Variants in RBX1 observed in about 807,000 individuals in gnomAD.
RBX1 encodes the protein E3 ubiquitin-protein ligase RBX1.
For missense variants in RBX1, 46 were observed against 141.4 expected (o/e 0.33, Z 3.42); for synonymous variants, 48 against 47.9 (o/e 1.00, Z -0.01).
rs543541999 is a variant in RBX1, at chr22:40,954,402, A to G, written c.157+769A>G. ...AAAGGAAATCATTGCCAACATCTAA[A>G]TAAATAATTAATTGCACTAAAGAAA... On this transcript the variant is annotated intron_variant, in intron 2 of 4. Transcript: ENST00000216225. Among the ~76,000 whole-genome samples the G allele has an allele frequency of 7.9e-5, 12 of 152,360 alleles. No homozygotes were observed. In the South Asian group the frequency reaches 2.5e-3, roughly 32 times the overall value.
At chr22:40,956,330 T>C (rs1449077098) in intron 2 of RBX1, among the ~76,000 whole-genome samples, 1 of 151,878 alleles carries the variant, frequency 6.6e-6, no homozygotes. Context: ...ATCCAATGAA[T>C]ATATCCTGAG....
Position 40,967,795 on chromosome 22 carries a change from T to G in RBX1, c.229-4T>G. On this transcript the variant is annotated splice_region_variant and splice_polypyrimidine_tract_variant and intron_variant, in intron 3 of 4. Transcript: ENST00000216225. ...TTTTTAATAAAATATATGTTTTCTT[T>G]CAGCATGCTTTTCACTTCCACTGCA... 6.2e-7 allele frequency: 1 copy of G among 1,612,766 alleles called. No individual in the cohort carries two copies. Among genetic ancestry groups the G allele is most frequent in the Non-Finnish European group, 8.5e-7 (1 of 1,178,868 alleles).
intron 3 of RBX1, chr22:40,967,096 G>A (rs902554094): frequency 5.3e-5 from 8 of 152,104 alleles, no homozygotes; most frequent in African/African-American, 1.9e-4. Flanking sequence ...TAGGCTGCTT[G>A]TGTGCCGTTT....
chr22:40,971,291 G>A (rs1390621445), intron 4 of RBX1, among the ~76,000 whole-genome samples: 9 of 152,060 alleles, frequency 5.9e-5, no homozygotes, highest in South Asian at 2.1e-4. Flanking sequence ...AATCTGATAC[G>A]ATTGTTCTAC....
At chr22:40,967,075 T>C (rs997566218) in intron 3 of RBX1, 1 of 152,188 alleles carries the variant, frequency 6.6e-6, no homozygotes, top group African/African-American at 2.4e-5. Context: ...AATAAGCCTT[T>C]TGATGCTCTT....
intron 4 of RBX1, among the ~76,000 whole-genome samples, chr22:40,968,854 T>C (rs2146303839): frequency 6.6e-6 from 1 of 152,208 alleles, no homozygotes; most frequent in Admixed American, 6.5e-5. Context: ...TTCACCTTTT[T>C]TTTTTTTTTC....
chr22:40,967,745 C>A, intron 3 of RBX1, 54 bp from the exon 4 acceptor site: 1 of 1,479,246 alleles, frequency 6.8e-7, no homozygotes, highest in South Asian at 1.2e-5. Flanking sequence ...TGTTGTCGCT[C>A]GATGGCTGAG....
At chr22:40,967,695 T>C in intron 3 of RBX1, 104 bp from the exon 4 acceptor site, 2 of 773,696 alleles carry the variant, frequency 2.6e-6, no homozygotes, top group Non-Finnish European at 2.1e-6. Flanking sequence ...TTTCTTTTCT[T>C]GCCCACTATA....
chr22:40,951,939 G>T (rs1424124016), intron 1 of RBX1, among the ~76,000 whole-genome samples: 1 of 152,058 alleles, frequency 6.6e-6, no homozygotes, highest in African/African-American at 2.4e-5. Flanking sequence ...ATCTTGCTCC[G>T]CCCCTTTTTG....
chr22:40,958,354 G>GA (rs557278863), intron 2 of RBX1, among the ~76,000 whole-genome samples: 74 of 149,492 alleles, frequency 5.0e-4, no homozygotes, highest in African/African-American at 1.6e-3. Context: ...AGCAAGTAAA[G>GA]AAAAAAATGG....
chr22:40,962,929 C>G (rs1394156388), intron 2 of RBX1, among the ~76,000 whole-genome samples: 1 of 149,830 alleles, frequency 6.7e-6, no homozygotes, highest in Non-Finnish European at 1.5e-5. Context: ...AAGTCCTGAC[C>G]TCATGATGTG....
Position 40,954,410 on chromosome 22 carries a change from T to A in RBX1, c.157+777T>A, listed in dbSNP as rs1234789131. ...TCATTGCCAACATCTAAATAAATAA[T>A]TAATTGCACTAAAGAAATTTCATTT... On this transcript the variant is annotated intron_variant, in intron 2 of 4. Transcript: ENST00000216225. 2.0e-5 allele frequency among the ~76,000 whole-genome samples: 3 copies of A among 152,156 alleles called. No homozygotes were observed. The East Asian group carries it at 5.8e-4, about 29-fold the overall frequency.
At chr22:40,953,446 G>C in intron 1 of RBX1, 109 bp from the exon 2 acceptor site, 2 of 728,510 alleles carry the variant, frequency 2.7e-6, no homozygotes, top group Non-Finnish European at 2.5e-6. Context: ...TTTGTTTGGT[G>C]GTTCCCTGTG....
chr22:40,961,477 G>C (rs1378326995), intron 2 of RBX1, among the ~76,000 whole-genome samples: 2 of 151,748 alleles, frequency 1.3e-5, no homozygotes, highest in Non-Finnish European at 1.5e-5. Flanking sequence ...GCAGTGGTGC[G>C]ATCTTGGCTC....
intron 2 of RBX1, among the ~76,000 whole-genome samples, chr22:40,963,409 G>A (rs1018115994): frequency 6.6e-6 from 1 of 151,910 alleles, no homozygotes; most frequent in Non-Finnish European, 1.5e-5. Context: ...GCTGAGGTGG[G>A]CGGATCACCT....
intron 3 of RBX1, among the ~76,000 whole-genome samples, chr22:40,965,172 A>G (rs1024732696): frequency 1.4e-4 from 22 of 151,838 alleles, no homozygotes; most frequent in African/African-American, 3.4e-4. Flanking sequence ...GTGTGGTGGC[A>G]GGCGCCTGTA....
At chr22:40,958,944 G>T (rs888376193) in intron 2 of RBX1, among the ~76,000 whole-genome samples, 1 of 152,118 alleles carries the variant, frequency 6.6e-6, no homozygotes, top group Non-Finnish European at 1.5e-5. Context: ...CTCCTGAGCA[G>T]CTGAGACTGC....
chr22:40,961,816 ACT>A (rs1255173094), intron 2 of RBX1, among the ~76,000 whole-genome samples: 1 of 132,550 alleles, frequency 7.5e-6, no homozygotes, highest in African/African-American at 2.9e-5. Flanking sequence ...TGTCAGCCTT[ACT>A]CTGTCACCCA....
intron 1 of RBX1, 151 bp from the exon 2 acceptor site, chr22:40,953,404 G>T: frequency 1.8e-6 from 1 of 556,774 alleles, no homozygotes; most frequent in Non-Finnish European, 3.4e-6. Flanking sequence ...GTTGTCTTTG[G>T]TATAATAAGA....
Sources: gnomAD v4.1 joint callset for allele counts (sites outside exome capture counted in the v4.1 genomes callset) on GRCh38, gnomAD v4.1.1 for gene constraint, MANE v1.5 for transcripts, NCBI Gene and HGNC (gene_info 2026-07-23, HGNC 2026-07-21) for gene names.